Variants in ALDH2 observed in about 807,000 individuals in gnomAD.
The protein encoded by ALDH2 is aldehyde dehydrogenase, mitochondrial.
In ALDH2, 44 loss-of-function variants were observed where a neutral mutation model predicts 59.6. That is an observed-to-expected ratio of 0.74 (90% CI 0.58 to 0.95). ALDH2 has a LOEUF of 0.95. ALDH2 is among the 40% of genes least tolerant of loss of function. The pLI is 0.00. For missense variants in ALDH2, 570 were observed against 696.3 expected (o/e 0.82, Z 2.04); for synonymous variants, 291 against 284.0 (o/e 1.02, Z -0.25).
At chr12:111,772,446 C>T (rs552841342) in intron 1 of ALDH2, among the ~76,000 whole-genome samples, 2 of 152,114 alleles carry the variant, frequency 1.3e-5, no homozygotes, top group Admixed American at 1.3e-4. Context: ...CTCACTGCAA[C>T]CTCTGCCTCC....
intron 4 of ALDH2, among the ~76,000 whole-genome samples, chr12:111,789,487 G>A (rs2068338721): frequency 7.1e-6 from 1 of 139,986 alleles, no homozygotes; most frequent in African/African-American, 2.6e-5. Flanking sequence ...GCGAGACGCT[G>A]TCTCAAAAAA....
intron 4 of ALDH2, among the ~76,000 whole-genome samples, chr12:111,787,479 TTGGTTC>T (rs1246233377): frequency 1.3e-5 from 2 of 152,176 alleles, no homozygotes; most frequent in East Asian, 3.9e-4. Flanking sequence ...GTGGCTGGCC[TTGGTTC>T]TGGCCAGCTG....
At chr12:111,808,287 T>C (rs565702788) in intron 12 of ALDH2, among the ~76,000 whole-genome samples, 2 of 152,332 alleles carry the variant, frequency 1.3e-5, no homozygotes, top group South Asian at 4.1e-4. Context: ...GGTGCAAGAT[T>C]GCTTTTGGAG....
chr12:111,790,313 A>G, intron 5 of ALDH2, 121 bp from the exon 6 acceptor site: 1 of 1,262,780 alleles, frequency 7.9e-7, no homozygotes, highest in Non-Finnish European at 1.1e-6. Context: ...GAGTTAGGGG[A>G]GGACACGCAG....
chr12:111,773,282 A>G lies in ALDH2; in HGVS notation c.114+6186A>G, dbSNP rs552490484. Among the ~76,000 whole-genome samples the G allele has an allele frequency of 2.0e-5, 3 of 152,296 alleles. No individual in the cohort carries two copies. In the East Asian group the frequency reaches 5.8e-4, roughly 30 times the overall value. ...GTGGCCGGCCCGTGTTTTTAATCAGAGAACACAAATGGGCATTCAATACTT... is the reference window on the plus strand; with the variant it reads ...GTGGCCGGCCCGTGTTTTTAATCAGGGAACACAAATGGGCATTCAATACTT... On this transcript the variant is annotated intron_variant, in intron 1 of 12. Coordinates refer to ENST00000261733, the MANE Select transcript of ALDH2 (RefSeq NM_000690.4).
chr12:111,783,731 AACCCTTGGGCTCAAGTAATCC>A (rs1455598972), intron 3 of ALDH2, among the ~76,000 whole-genome samples: 1 of 152,212 alleles, frequency 6.6e-6, no homozygotes, highest in Non-Finnish European at 1.5e-5. Flanking sequence ...GCTGGTCTCC[AACCCTTGGGCTCAAGTAATCC>A]ACCTGCCTCA....
intron 1 of ALDH2, among the ~76,000 whole-genome samples, chr12:111,770,796 C>G (rs112494677): frequency 1.1e-3 from 165 of 152,220 alleles, no homozygotes; most frequent in African/African-American, 3.8e-3. Flanking sequence ...AGGTGCCCAC[C>G]ACCACGCCTG....
chr12:111,815,655 T>G lies in ALDH2; in HGVS notation c.*6080T>G, dbSNP rs866990087. ...CCTGAGAGTCTAATGGCTTATTTTT[T>G]GTAGAGATGGGGTCTCACTGTGTTG... On this transcript the variant is annotated 3_prime_UTR_variant, in exon 13 of 13. Coordinates refer to ENST00000261733, the MANE Select transcript of ALDH2 (RefSeq NM_000690.4). The G allele has an allele frequency of 6.6e-6, 1 of 152,096 alleles. No individual in the cohort carries two copies. The highest frequency in any genetic ancestry group is 1.5e-5 in the Non-Finnish European group (1 of 68,014). 9.4% of individuals were successfully genotyped at this position (152,096 alleles called of 1,614,324 possible).
chr12:111,788,457 G>A (rs980488890), intron 4 of ALDH2, among the ~76,000 whole-genome samples: 1 of 152,230 alleles, frequency 6.6e-6, no homozygotes, highest in African/African-American at 2.4e-5. Context: ...GCAGTGCCAA[G>A]GCTGAAAAAC....
Position 111,789,888 on chromosome 12 carries a change from G to A in ALDH2, c.506G>A (p.Ser169Asn). ...KTIPIDGDFF[S>N]YTRHEPVGVC... ...ATCCCCATTGACGGAGACTTCTTCAGCTACACACGCCATGAACCTGTGGGG... is the reference window on the plus strand; with the variant it reads ...ATCCCCATTGACGGAGACTTCTTCAACTACACACGCCATGAACCTGTGGGG... Residue 169 changes from serine (S) to asparagine (N), a missense_variant, in exon 5 of 13, where the codon AGC (serine) becomes AAC (asparagine). Transcript: ENST00000261733. 1 of 1,614,208 alleles carries A rather than the reference G, an allele frequency of 6.2e-7. No individual in the cohort carries two copies. Among genetic ancestry groups the A allele is most frequent in the Non-Finnish European group, 8.5e-7 (1 of 1,180,032 alleles).
At chr12:111,800,448 GA>G (rs1274567828) in intron 11 of ALDH2, among the ~76,000 whole-genome samples, 1 of 151,938 alleles carries the variant, frequency 6.6e-6, no homozygotes, top group East Asian at 1.9e-4. Flanking sequence ...TTTTCAGACA[GA>G]AAAAAATATT....
chr12:111,786,677 C>T (rs2068312266), intron 4 of ALDH2, among the ~76,000 whole-genome samples: 1 of 151,998 alleles, frequency 6.6e-6, no homozygotes, highest in South Asian at 2.1e-4. Context: ...TCCTAAGTAG[C>T]TGGGACCACA....
rs146733747 is a variant in ALDH2, at chr12:111,810,558, A to G, written c.*983A>G. ...TGTGCTCTAGAGACAGAACCTAAACATGATGCCCAAGAGAGGGGAGAGATA... is the reference window on the plus strand; with the variant it reads ...TGTGCTCTAGAGACAGAACCTAAACGTGATGCCCAAGAGAGGGGAGAGATA... On this transcript the variant is annotated 3_prime_UTR_variant, in exon 13 of 13. Coordinates refer to ENST00000261733, the MANE Select transcript of ALDH2 (RefSeq NM_000690.4). The G allele has an allele frequency of 3.1e-4, 47 of 151,892 alleles. No individual in the cohort carries two copies. The highest frequency in any genetic ancestry group is 1.1e-3 in the African/African-American group (46 of 41,378). 9.4% of individuals were successfully genotyped at this position (151,892 alleles called of 1,614,324 possible).
chr12:111,767,103 C>T lies in ALDH2; in HGVS notation c.114+7C>T. 2 of 1,487,450 alleles carry T rather than the reference C, an allele frequency of 1.3e-6. No individual in the cohort carries two copies. Among genetic ancestry groups the T allele is most frequent in the Non-Finnish European group, 1.8e-6 (2 of 1,126,304 alleles). The allele number at this position is 1,487,450 out of a possible 1,614,324, so 92.1% of individuals were successfully genotyped here. A position where few individuals can be genotyped will look rare whatever the true frequency, so the allele number is the denominator to read the frequency against. ...CGAGGTCTTCTGCAACCAGGTGAGC[C>T]CACCGGCCGGGCTCGCGCTTTGTTT... On this transcript the variant is annotated splice_region_variant and intron_variant, in intron 1 of 12. Coordinates refer to ENST00000261733, the MANE Select transcript of ALDH2 (RefSeq NM_000690.4).
intron 12 of ALDH2, among the ~76,000 whole-genome samples, chr12:111,805,605 G>A (rs1472182125): frequency 6.6e-6 from 1 of 152,200 alleles, no homozygotes; most frequent in Admixed American, 6.5e-5. Context: ...TTATAGGCAT[G>A]AGCTACCACA....
At chr12:111,782,106 T>C in intron 2 of ALDH2, 84 bp downstream of exon 2, 1 of 1,027,512 alleles carries the variant, frequency 9.7e-7, no homozygotes, top group East Asian at 2.4e-5. Flanking sequence ...CTTTACCATA[T>C]ATGTGTATTA....
At chr12:111,793,362 G>A (rs144462687) in intron 9 of ALDH2, among the ~76,000 whole-genome samples, 91 of 152,224 alleles carry the variant, frequency 6.0e-4, no homozygotes, top group African/African-American at 2.1e-3. Flanking sequence ...TGGGATTACA[G>A]ACATGAACCA....
intron 5 of ALDH2, 113 bp from the exon 6 acceptor site, chr12:111,790,321 C>T: frequency 7.3e-7 from 1 of 1,378,510 alleles, no homozygotes. Context: ...GGAGGACACG[C>T]AGGGTTCAGA....
intron 2 of ALDH2, among the ~76,000 whole-genome samples, chr12:111,782,806 C>A (rs979160868): frequency 1.3e-5 from 2 of 152,008 alleles, no homozygotes; most frequent in Non-Finnish European, 2.9e-5. Context: ...ATTGCTTGAA[C>A]CCGGGAGGCG....
Sources: gnomAD v4.1 joint callset for allele counts (sites outside exome capture counted in the v4.1 genomes callset) on GRCh38, gnomAD v4.1.1 for gene constraint, MANE v1.5 for transcripts, NCBI Gene and HGNC (gene_info 2026-07-23, HGNC 2026-07-21) for gene names.